The following SEMA3A variants were observed in gnomAD, a reference collection of about 807,000 sequenced individuals.
SEMA3A encodes semaphorin-3A.
Under a neutral mutation model 97.9 loss-of-function variants are expected in SEMA3A, and 29 were observed. The ratio of observed to expected loss-of-function variants is 0.30; its 90% CI spans 0.22 to 0.40. SEMA3A has a LOEUF of 0.40. Among genes scored for constraint, SEMA3A ranks in the 10% least tolerant of loss-of-function variants. The pLI, the probability that SEMA3A is intolerant of heterozygous loss-of-function variation, is 1.00. For synonymous variants in SEMA3A, 321 were observed against 323.7 expected, an observed-to-expected ratio of 0.99 and a Z score of 0.09; for missense variants, 763 against 951.3, an observed-to-expected ratio of 0.80 and a Z score of 2.60.
At chr7:83,984,608 C>CTTTTTTTTTTTTTTTTTTT (rs371082897) in intron 13 of SEMA3A, among the ~76,000 whole-genome samples, 1 of 98,884 alleles carries the variant, frequency 1.0e-5, no homozygotes, top group Non-Finnish European at 1.9e-5. Context: ...GATTTTTCTG[C>CTTTTTTTTTTTTTTTTTTT]TTTTTTTTTT....
At chr7:84,322,480 TG>T (rs1801671981) in intron 2 of SEMA3A, among the ~76,000 whole-genome samples, 1 of 152,024 alleles carries the variant, frequency 6.6e-6, no homozygotes, top group Non-Finnish European at 1.5e-5. Context: ...AATTGAATCA[TG>T]GGGGCAGTTT....
At chr7:84,136,123 G>T (rs1796117169) in intron 1 of SEMA3A, among the ~76,000 whole-genome samples, 1 of 152,208 alleles carries the variant, frequency 6.6e-6, no homozygotes, top group Non-Finnish European at 1.5e-5. Context: ...AAAACTGTAT[G>T]TCCTGAATCA....
intron 1 of SEMA3A, among the ~76,000 whole-genome samples, chr7:84,193,390 C>G (rs2116274869): frequency 6.6e-6 from 1 of 152,020 alleles, no homozygotes; most frequent in South Asian, 2.1e-4. Context: ...CAAATACCTT[C>G]AATAATTTTT....
At chr7:84,453,676 A>G (rs966167958) in intron 1 of SEMA3A, among the ~76,000 whole-genome samples, 1 of 152,206 alleles carries the variant, frequency 6.6e-6, no homozygotes, top group African/African-American at 2.4e-5. Flanking sequence ...CTTAAAGTCT[A>G]CATTGTCTGT....
intron 1 of SEMA3A, among the ~76,000 whole-genome samples, chr7:84,377,303 G>A (rs1391617734): frequency 6.6e-6 from 1 of 152,048 alleles, no homozygotes; most frequent in African/African-American, 2.4e-5. Flanking sequence ...TGCTCTTAGT[G>A]CCTTTGTTGA....
chr7:84,400,723 T>C (rs755494914), intron 1 of SEMA3A, among the ~76,000 whole-genome samples: 6 of 152,190 alleles, frequency 3.9e-5, no homozygotes, highest in Admixed American at 6.5e-5. Flanking sequence ...TTCAAAGAAA[T>C]GACAACTGAG....
intron 3 of SEMA3A, among the ~76,000 whole-genome samples, chr7:84,120,085 C>T (rs1795558549): frequency 6.9e-6 from 1 of 145,124 alleles, no homozygotes; most frequent in South Asian, 2.3e-4. Flanking sequence ...ATTTCAAATG[C>T]TAGCCTTACT....
At chr7:84,310,399 T>C (rs905263554) in intron 2 of SEMA3A, among the ~76,000 whole-genome samples, 2 of 151,954 alleles carry the variant, frequency 1.3e-5, no homozygotes, top group Non-Finnish European at 2.9e-5. Flanking sequence ...CATATAATTT[T>C]TGTTTAAAAA....
intron 6 of SEMA3A, among the ~76,000 whole-genome samples, chr7:84,029,515 G>A (rs1216650369): frequency 6.6e-6 from 1 of 151,994 alleles, no homozygotes; most frequent in Non-Finnish European, 1.5e-5. Flanking sequence ...ATAATATTTG[G>A]TTATTTATTC....
chr7:84,132,662 GTTTTTTTTTTTTT>G (rs55830654), intron 2 of SEMA3A, among the ~76,000 whole-genome samples: 4 of 86,630 alleles, frequency 4.6e-5, no homozygotes, highest in Non-Finnish European at 8.9e-5. Flanking sequence ...TCGACTTGGT[GTTTTTTTTTTTTT>G]TTTTTTTTTT....
chr7:84,161,503 G>C (rs1797033736), intron 1 of SEMA3A, among the ~76,000 whole-genome samples: 1 of 152,098 alleles, frequency 6.6e-6, no homozygotes, highest in Admixed American at 6.5e-5. Context: ...TTCTACATTA[G>C]AAAAATCAGT....
At chr7:84,175,720 A>C (rs1166602999) in intron 1 of SEMA3A, among the ~76,000 whole-genome samples, 1 of 128,410 alleles carries the variant, frequency 7.8e-6, no homozygotes, top group Admixed American at 7.6e-5. Context: ...TTATGGTTGG[A>C]AACCTACAGC....
chr7:84,215,219 C>T (rs577705260), intron 3 of SEMA3A, among the ~76,000 whole-genome samples: 9 of 151,362 alleles, frequency 5.9e-5, no homozygotes, highest in African/African-American at 1.9e-4. Context: ...GAGTTTTACT[C>T]TTGTTGCCCA....
In SEMA3A at chr7:84,005,949, AAAAAT is replaced by A. The variant is rs750312796; in HGVS notation, c.1141-396_1141-392del. 4.6e-5 allele frequency among the ~76,000 whole-genome samples: 7 copies of A among 152,188 alleles called. No homozygotes were observed. The South Asian group carries it at 8.3e-4, about 18-fold the overall frequency. The stretch of plus-strand genomic sequence containing the variant: ...AAGCAATAGAACAAGAATCTGTCTC[AAAAAT>A]AAAATAAAGGAAAAAAGTAGTGCAA... On this transcript the variant is annotated intron_variant, in intron 10 of 16. Coordinates refer to ENST00000265362, the MANE Select transcript of SEMA3A (RefSeq NM_006080.3).
intron 3 of SEMA3A, among the ~76,000 whole-genome samples, chr7:84,240,935 T>C (rs1799346973): frequency 6.6e-6 from 1 of 152,194 alleles, no homozygotes; most frequent in Non-Finnish European, 1.5e-5. Flanking sequence ...GAACATGAAT[T>C]CATCCTTTTT....
intron 12 of SEMA3A, 125 bp from the exon 13 acceptor site, chr7:83,985,602 G>C (rs1789597151): frequency 5.4e-6 from 4 of 741,804 alleles, no homozygotes; most frequent in African/African-American, 3.5e-5. Context: ...GAAGCAATGT[G>C]ACTGGGAAAT....
intron 1 of SEMA3A, among the ~76,000 whole-genome samples, chr7:84,463,965 G>GAT (rs1371685755): frequency 6.6e-6 from 1 of 152,102 alleles, no homozygotes; most frequent in African/African-American, 2.4e-5. Context: ...AATGAATAAA[G>GAT]AATGAATGGA....
chr7:84,007,028 T>C (rs1471302562), intron 10 of SEMA3A, among the ~76,000 whole-genome samples: 12 of 152,244 alleles, frequency 7.9e-5, no homozygotes, highest in East Asian at 3.9e-4. Context: ...TTTCATGAGA[T>C]TGAAAATTAT....
At chr7:84,225,168 G>T (rs1798962573) in intron 3 of SEMA3A, among the ~76,000 whole-genome samples, 1 of 152,104 alleles carries the variant, frequency 6.6e-6, no homozygotes, top group African/African-American at 2.4e-5. Context: ...ATGATTCTCA[G>T]ATTTAATACA....
Sources: allele counts gnomAD v4.1 joint callset (sites outside exome capture counted in the v4.1 genomes callset), GRCh38; gene constraint gnomAD v4.1.1; transcripts MANE v1.5; gene names NCBI Gene and HGNC (gene_info 2026-07-23, HGNC 2026-07-21).